Variants in SOCS3 observed in about 807,000 individuals in gnomAD.
The protein encoded by SOCS3 is suppressor of cytokine signaling 3.
In SOCS3, 5 loss-of-function variants were observed where a neutral mutation model predicts 11.7. That is an observed-to-expected ratio of 0.43 (90% CI 0.22 to 0.90). SOCS3 has a LOEUF of 0.90. Ranked by LOEUF, SOCS3 falls within the 40% of genes least tolerant of loss-of-function variation. The pLI is 0.27. For synonymous variants in SOCS3, 143 were observed against 136.3 expected (o/e 1.05, Z -0.34); for missense variants, 203 against 302.0 (o/e 0.67, Z 2.43).
Position 78,358,657 on chromosome 17 carries a change from C to T in SOCS3, c.439G>A (p.Val147Met). The T allele has an allele frequency of 6.2e-7, 1 of 1,605,952 alleles. No individual in the cohort carries two copies. Among genetic ancestry groups the T allele is most frequent in the Non-Finnish European group, 8.5e-7 (1 of 1,174,952 alleles). Residue 147 changes from valine to methionine, a missense_variant, in exon 2 of 2, where the codon GTG (valine) becomes ATG (methionine). This residue lies in a region of SOCS3 where 141 missense variants were observed against 200.5 expected (regional missense o/e 0.70). Coordinates refer to ENST00000330871, the MANE Select transcript of SOCS3 (RefSeq NM_003955.5). This position sits in a 1 kb window ranked among gnomAD's most constrained non-coding sequence, Gnocchi z 4.7. The stretch of plus-strand genomic sequence containing the variant: ...GGCTGGGCAGACGGCTGCTCGGGCA[C>T]CTCGGAGGAGGGTTCAGTAGGTGGC... The part of the protein sequence containing the change: ...PSPPTEPSSE[V>M]PEQPSAQPLP...
chr17:78,358,941 G>C lies in SOCS3; in HGVS notation c.155C>G (p.Thr52Ser). The C allele has an allele frequency of 6.3e-7, 1 of 1,589,210 alleles. No homozygotes were observed. The highest frequency in any genetic ancestry group is 8.6e-7 in the Non-Finnish European group (1 of 1,169,014). The change falls in exon 2 of 2, where the codon ACC becomes AGC. Residue 52 changes from threonine to serine, a missense_variant. This residue lies in a region of SOCS3 where 57 missense variants were observed against 74.2 expected (regional missense o/e 0.77). Transcript: ENST00000330871. This position sits in a 1 kb window ranked among gnomAD's most constrained non-coding sequence, Gnocchi z 4.7. ...QESGFYWSAV[T>S]GGEANLLLSA... The stretch of plus-strand genomic sequence containing the variant: ...GAGCAGCAGGTTCGCCTCGCCGCCG[G>C]TCACTGCGCTCCAGTAGAAGCCGCT...
chr17:78,356,920 G>C lies in SOCS3; in HGVS notation c.*1498C>G, dbSNP rs2145989957. 6.6e-6 allele frequency: 1 copy of C among 152,670 alleles called. No individual in the cohort carries two copies. The highest frequency in any genetic ancestry group is 1.5e-5 in the Non-Finnish European group (1 of 68,026). 9.5% of individuals were successfully genotyped at this position (152,670 alleles called of 1,614,324 possible). On this transcript the variant is annotated 3_prime_UTR_variant, in exon 2 of 2. Coordinates refer to ENST00000330871, the MANE Select transcript of SOCS3 (RefSeq NM_003955.5). The surrounding 1 kb of genome is among the most constrained non-coding windows in gnomAD (Gnocchi z 6.1). ...CATCTCCTAATAGCCTCAAGGGCCT[G>C]AGTAGGGGGGAGGAGAGAGGACTGG...
Position 78,357,097 on chromosome 17 carries a change from T to C in SOCS3, c.*1321A>G, listed in dbSNP as rs1264756587. ...CCTGACACAGAATACTTTGTGTTTG[T>C]TTAGTTGCCCCCCCCCACAAAAACA... On this transcript the variant is annotated 3_prime_UTR_variant, in exon 2 of 2. Coordinates refer to ENST00000330871, the MANE Select transcript of SOCS3 (RefSeq NM_003955.5). This position sits in a 1 kb window ranked among gnomAD's most constrained non-coding sequence, Gnocchi z 7.0. 6.6e-6 allele frequency: 1 copy of C among 152,146 alleles called. No individual in the cohort carries two copies. Among genetic ancestry groups the C allele is most frequent in the Non-Finnish European group, 1.5e-5 (1 of 68,020 alleles). The allele number at this position is 152,146 out of a possible 1,614,324, so 9.4% of individuals were successfully genotyped here.
Position 78,359,161 on chromosome 17 carries a change from G to T in SOCS3, c.-66C>A. 6.8e-7 allele frequency: 1 copy of T among 1,466,096 alleles called. No individual in the cohort carries two copies. Among genetic ancestry groups the T allele is most frequent in the Non-Finnish European group, 9.1e-7 (1 of 1,096,586 alleles). 90.8% of individuals were successfully genotyped at this position (1,466,096 alleles called of 1,614,324 possible). A position where few individuals can be genotyped will look rare whatever the true frequency, so the allele number is the denominator to read the frequency against. ...AGCTGCTTCGCGGCCTCCGCACAGC[G>T]GCCGCTACCGCATCCCGGGGGGCTG... On this transcript the variant is annotated 5_prime_UTR_variant, in exon 2 of 2. Coordinates refer to ENST00000330871, the MANE Select transcript of SOCS3 (RefSeq NM_003955.5).
intron 1 of SOCS3, 55 bp from the exon 2 acceptor site, chr17:78,359,238 G>T: frequency 1.3e-6 from 1 of 781,728 alleles, no homozygotes; most frequent in Admixed American, 3.9e-5. Flanking sequence ...CAGCGCGCCC[G>T]GCCCGCCCCG....
rs2081586826 is a variant in SOCS3 at position 78,358,664 on chromosome 17, G to A, written c.432C>T (p.Ser144=). ...CAGACGGCTGCTCGGGCACCTCGGA[G>A]GAGGGTTCAGTAGGTGGCGAGGGGA... ...PSFPSPPTEP[S]SEVPEQPSAQ... Residue 144 remains serine, a synonymous_variant, in exon 2 of 2, where the codon TCC becomes TCT. Transcript: ENST00000330871. The surrounding 1 kb of genome is among the most constrained non-coding windows in gnomAD (Gnocchi z 4.7). 2.5e-6 allele frequency: 4 copies of A among 1,606,866 alleles called. No homozygotes were observed. The highest frequency in any genetic ancestry group is 3.4e-6 in the Non-Finnish European group (4 of 1,175,460).
intron 1 of SOCS3, 34 bp from the exon 2 acceptor site, chr17:78,359,217 C>G: frequency 9.4e-7 from 1 of 1,065,390 alleles, no homozygotes; most frequent in South Asian, 1.8e-5. Context: ...CGTTGAGTGC[C>G]CGGAACCCTC....
In SOCS3 at chr17:78,358,641, G is replaced by A; in HGVS notation, c.455C>T (p.Ser152Phe). The A allele has an allele frequency of 6.2e-7, 1 of 1,606,570 alleles. No individual in the cohort carries two copies. Among genetic ancestry groups the A allele is most frequent in the Non-Finnish European group, 8.5e-7 (1 of 1,175,208 alleles). ...GGGACTCCCAGGGAGTGGCTGGGCA[G>A]ACGGCTGCTCGGGCACCTCGGAGGA... is the stretch of plus-strand genomic sequence containing the variant. The part of the protein sequence containing the change: ...EPSSEVPEQP[S>F]AQPLPGSPPR... Residue 152 changes from serine (S) to phenylalanine (F), a missense_variant, in exon 2 of 2, where the codon TCT becomes TTT. By Grantham distance (155) the Ser-to-Phe change is radical. This residue lies in a region of SOCS3 where 141 missense variants were observed against 200.5 expected (regional missense o/e 0.70). Transcript: ENST00000330871. This position sits in a 1 kb window ranked among gnomAD's most constrained non-coding sequence, Gnocchi z 4.7.
At chr17:78,360,675 G>C (rs1254483206), upstream of SOCS3, 1 of 152,108 alleles carries the variant, frequency 6.6e-6, no homozygotes, top group Non-Finnish European at 1.5e-5. This position sits in a 1 kb window ranked among gnomAD's most constrained non-coding sequence, Gnocchi z 5.6. Flanking sequence ...GGAGGTTGGA[G>C]ACGTGCGACA....
At chr17:78,360,079 C>CG (rs2081600238), upstream of SOCS3, 1 of 177,588 alleles carries the variant, frequency 5.6e-6, no homozygotes, top group Non-Finnish European at 1.2e-5. This position sits in a 1 kb window ranked among gnomAD's most constrained non-coding sequence, Gnocchi z 5.6. Context: ...GTCGGAGCCG[C>CG]CGCGGAGGCC....
intron 1 of SOCS3, 54 bp from the exon 2 acceptor site, chr17:78,359,237 C>A: frequency 1.3e-6 from 1 of 779,034 alleles, no homozygotes; most frequent in Non-Finnish European, 1.9e-6. Context: ...CCAGCGCGCC[C>A]GGCCCGCCCC....
At position 78,360,073 on chromosome 17, in the gene SOCS3, G is replaced by C. The variant is rs946701320; in HGVS notation, c.-412C>G. On this transcript the variant is annotated 5_prime_UTR_variant, in exon 1 of 2. Coordinates refer to ENST00000330871, the MANE Select transcript of SOCS3 (RefSeq NM_003955.5). This position sits in a 1 kb window ranked among gnomAD's most constrained non-coding sequence, Gnocchi z 5.6. ...GCAGCGGAGCAGGGAGTCCAAGTCG[G>C]AGCCGCCGCGGAGGCCGCGCTCGCG... 2 of 181,588 alleles carry C rather than the reference G, an allele frequency of 1.1e-5. No individual in the cohort carries two copies. The highest frequency in any genetic ancestry group is 4.8e-5 in the African/African-American group (2 of 41,908). The allele number at this position is 181,588 out of a possible 1,614,324, so 11.2% of individuals were successfully genotyped here. A position where few individuals can be genotyped will look rare whatever the true frequency, so the allele number is the denominator to read the frequency against.
At chr17:78,360,892 G>A (rs1197455937), upstream of SOCS3, 1 of 152,492 alleles carries the variant, frequency 6.6e-6, no homozygotes, top group Non-Finnish European at 1.5e-5. This position sits in a 1 kb window ranked among gnomAD's most constrained non-coding sequence, Gnocchi z 5.6. Context: ...AGGTGCTCTC[G>A]GCCGGGCTGG....
chr17:78,359,201 C>G lies in SOCS3; in HGVS notation c.-88-18G>C. 7.8e-7 allele frequency: 1 copy of G among 1,278,658 alleles called. No homozygotes were observed. Among genetic ancestry groups the G allele is most frequent in the African/African-American group, 1.5e-5 (1 of 66,174 alleles). The allele number at this position is 1,278,658 out of a possible 1,614,324, so 79.2% of individuals were successfully genotyped here. A position where few individuals can be genotyped will look rare whatever the true frequency, so the allele number is the denominator to read the frequency against. On this transcript the variant is annotated intron_variant, in intron 1 of 1. Coordinates refer to ENST00000330871, the MANE Select transcript of SOCS3 (RefSeq NM_003955.5). ...CCGGGGGGCTGCGGAGAGGAAGGCG[C>G]GAGCGCGTTGAGTGCCCGGAACCCT...
rs1377576535 is a variant in SOCS3, at chr17:78,357,606, C to T, written c.*812G>A. 6.6e-6 allele frequency: 1 copy of T among 152,324 alleles called. No individual in the cohort carries two copies. The highest frequency in any genetic ancestry group is 1.5e-5 in the Non-Finnish European group (1 of 68,120). 9.4% of individuals were successfully genotyped at this position (152,324 alleles called of 1,614,324 possible). On this transcript the variant is annotated 3_prime_UTR_variant, in exon 2 of 2. Transcript: ENST00000330871. The surrounding 1 kb of genome is among the most constrained non-coding windows in gnomAD (Gnocchi z 7.0). ...AATCCCCTGTCTTCTCTACCAGGAG[C>T]CTGAGGTGAAAGATGTCCCGTCTCC...
In SOCS3 at chr17:78,358,916, G is replaced by C. The variant is rs1464974546; in HGVS notation, c.180C>G (p.Leu60=). ...AVTGGEANLL[L]SAEPAGTFLI... ...GAAAGGTGCCGGCGGGCTCGGCACT[G>C]AGCAGCAGGTTCGCCTCGCCGCCGG... Residue 60 remains leucine, a synonymous_variant, in exon 2 of 2, where the codon CTC becomes CTG. Coordinates refer to ENST00000330871, the MANE Select transcript of SOCS3 (RefSeq NM_003955.5). This position sits in a 1 kb window ranked among gnomAD's most constrained non-coding sequence, Gnocchi z 4.7. The C allele has an allele frequency of 2.5e-6, 4 of 1,601,214 alleles. No homozygotes were observed. In the Admixed American group the frequency reaches 7.0e-5, roughly 28 times the overall value.
chr17:78,360,119 G>A (rs2081600679), upstream of SOCS3: 2 of 163,922 alleles, frequency 1.2e-5, no homozygotes, highest in East Asian at 1.5e-4. This position sits in a 1 kb window ranked among gnomAD's most constrained non-coding sequence, Gnocchi z 5.6. Flanking sequence ...CGGCCGCCGC[G>A]CCCCGCCCCC....
In SOCS3 at chr17:78,358,652, G is replaced by A. The variant is rs776834652; in HGVS notation, c.444C>T (p.Pro148=). ...GGAGTGGCTGGGCAGACGGCTGCTC[G>A]GGCACCTCGGAGGAGGGTTCAGTAG... ...SPPTEPSSEV[P]EQPSAQPLPG... is the part of the protein sequence containing the mutation. The change falls in exon 2 of 2, where the codon CCC becomes CCT. Residue 148 remains proline (P), a synonymous_variant. Transcript: ENST00000330871. This position sits in a 1 kb window ranked among gnomAD's most constrained non-coding sequence, Gnocchi z 4.7. 1.2e-6 allele frequency: 2 copies of A among 1,605,266 alleles called. No homozygotes were observed. Among genetic ancestry groups the A allele is most frequent in the Non-Finnish European group, 8.5e-7 (1 of 1,174,400 alleles).
rs190696162 is a variant in SOCS3 at position 78,357,900 on chromosome 17, G to A, written c.*518C>T. The A allele has an allele frequency of 4.1e-3, 647 of 157,268 alleles. 3 individuals are homozygous for A. The highest frequency in any genetic ancestry group is 9.8e-3 in the South Asian group (57 of 5,796). The allele number at this position is 157,268 out of a possible 1,614,324, so 9.7% of individuals were successfully genotyped here. On this transcript the variant is annotated 3_prime_UTR_variant, in exon 2 of 2. Transcript: ENST00000330871. The surrounding 1 kb of genome is among the most constrained non-coding windows in gnomAD (Gnocchi z 7.0). ...GCCAGGGAGAGGAGCATGTCACCAG[G>A]ATCCTCGCCTGGGGTGGGCGGGGGG... is the stretch of plus-strand genomic sequence containing the variant.
Sources: allele counts gnomAD v4.1 joint callset, GRCh38; gene constraint gnomAD v4.1.1; regional missense constraint gnomAD v4.1.1; non-coding constraint Gnocchi (gnomAD v3.1); transcripts MANE v1.5; gene names NCBI Gene and HGNC (gene_info 2026-07-23, HGNC 2026-07-21).